The following SLC41A3 variants were observed in gnomAD, a reference collection of about 807,000 sequenced individuals.
SLC41A3 encodes the protein solute carrier family 41 member 3, also known as SLC41A1-like 2.
SLC41A3 carries 44 observed loss-of-function variants against 45.4 expected under a neutral mutation model. The observed-to-expected ratio is 0.97, with a 90% confidence interval of 0.76 to 1.25. The LOEUF (loss-of-function observed/expected upper bound fraction) is 1.25, where lower values mean the gene tolerates loss of function less well. Ranked by LOEUF, SLC41A3 falls within the 50% of genes most tolerant of loss-of-function variation. The pLI, the probability that SLC41A3 is intolerant of heterozygous loss-of-function variation, is 0.00. For missense variants in SLC41A3, 550 were observed against 600.6 expected, an observed-to-expected ratio of 0.92 and a Z score of 0.88; for synonymous variants, 256 against 252.4, an observed-to-expected ratio of 1.01 and a Z score of -0.13.
Position 126,026,586 on chromosome 3 carries a change from GC to G in SLC41A3, c.454-108del. ...AAGGGGCCGGGTGCCACATGCTACT[GC>G]CTCCTTTCCCTTACCCTAAAATCTC... is the stretch of plus-strand genomic sequence containing the variant. On this transcript the variant is annotated intron_variant, in intron 4 of 10. Transcript: ENST00000360370. This position sits in a 1 kb window ranked among gnomAD's most constrained non-coding sequence, Gnocchi z 4.2. The G allele has an allele frequency of 1.4e-6, 2 of 1,396,580 alleles. No individual in the cohort carries two copies. The allele number at this position is 1,396,580 out of a possible 1,614,324, so 86.5% of individuals were successfully genotyped here. A position where few individuals can be genotyped will look rare whatever the true frequency, so the allele number is the denominator to read the frequency against.
chr3:126,014,296 G>A (rs1004984377), intron 8 of SLC41A3, among the ~76,000 whole-genome samples: 3 of 152,084 alleles, frequency 2.0e-5, no homozygotes, highest in East Asian at 1.9e-4. Flanking sequence ...AAATTAATTG[G>A]TACTGTTTAC....
chr3:126,027,612 AT>A (rs772651612), intron 4 of SLC41A3, among the ~76,000 whole-genome samples: 9 of 152,204 alleles, frequency 5.9e-5, no homozygotes, highest in Non-Finnish European at 1.3e-4. Flanking sequence ...ATACCTGAAA[AT>A]GTGGAAGCGA....
At chr3:126,089,550 C>A (rs967339313) in intron 1 of SLC41A3, among the ~76,000 whole-genome samples, 2 of 152,148 alleles carry the variant, frequency 1.3e-5, no homozygotes, top group African/African-American at 4.8e-5. Flanking sequence ...CAAATGGGAA[C>A]TAGTAAGGTT....
chr3:126,074,283 A>G (rs775327414), intron 1 of SLC41A3, among the ~76,000 whole-genome samples: 3 of 151,848 alleles, frequency 2.0e-5, no homozygotes, highest in Non-Finnish European at 4.4e-5. Flanking sequence ...GAGGAATAGA[A>G]GGGAATGTTC....
At chr3:126,019,866 C>T (rs9855477) in intron 6 of SLC41A3, among the ~76,000 whole-genome samples, 50,905 of 151,426 alleles carry the variant, frequency 0.34, 9,438 homozygotes, top group African/African-American at 0.5. Flanking sequence ...GGGGTCTTGG[C>T]GGGAGTCCTG....
intron 10 of SLC41A3, among the ~76,000 whole-genome samples, chr3:126,007,725 G>A (rs1469128568): frequency 1.3e-5 from 2 of 152,186 alleles, no homozygotes; most frequent in Non-Finnish European, 2.9e-5. Flanking sequence ...AGCTGCTGCT[G>A]CTCAGGACAA....
intron 9 of SLC41A3, among the ~76,000 whole-genome samples, chr3:126,010,985 T>C (rs1336937218): frequency 6.6e-6 from 1 of 152,184 alleles, no homozygotes; most frequent in Non-Finnish European, 1.5e-5. Context: ...CAAAGTCTTG[T>C]CCATAATACC....
chr3:126,080,963 A>AG (rs59416023), intron 1 of SLC41A3, among the ~76,000 whole-genome samples: 1 of 151,994 alleles, frequency 6.6e-6, no homozygotes, highest in Admixed American at 6.5e-5. Flanking sequence ...AAAAAAAAAA[A>AG]CAAACTAAAA....
intron 6 of SLC41A3, among the ~76,000 whole-genome samples, chr3:126,021,078 TAG>T (rs1485158247): frequency 6.6e-6 from 1 of 152,112 alleles, no homozygotes; most frequent in Non-Finnish European, 1.5e-5. Flanking sequence ...GTATTTTTAG[TAG>T]AGACAGGATT....
rs547659607 is a variant in SLC41A3 at position 126,018,553 on chromosome 3, G to A, written c.746-1678C>T. ...TGCCCATACCCTCTAAATCACAGCT[G>A]TTTATTTGTCTGCTTCAGTTGCCAA... On this transcript the variant is annotated intron_variant, in intron 6 of 10. Transcript: ENST00000360370. 4.5e-4 allele frequency among the ~76,000 whole-genome samples: 69 copies of A among 152,292 alleles called. No homozygotes were observed. In the South Asian group the frequency reaches 0.011, roughly 25 times the overall value.
chr3:126,086,998 T>A (rs548279152), upstream of SLC41A3, among the ~76,000 whole-genome samples: 2 of 152,274 alleles, frequency 1.3e-5, no homozygotes, highest in African/African-American at 4.8e-5. Flanking sequence ...GTCTTTAAAA[T>A]CATTGGTAAA....
chr3:126,076,211 A>C (rs1375537023), intron 1 of SLC41A3, among the ~76,000 whole-genome samples: 1 of 152,248 alleles, frequency 6.6e-6, no homozygotes, highest in East Asian at 1.9e-4. Context: ...CACATGAAAC[A>C]ATGGTTTCAC....
At chr3:126,029,237 A>C (rs920030195) in intron 4 of SLC41A3, among the ~76,000 whole-genome samples, 3 of 152,210 alleles carry the variant, frequency 2.0e-5, no homozygotes, top group Non-Finnish European at 4.4e-5. Context: ...TATAATCCCC[A>C]ATGTTGGAGG....
chr3:126,095,534 C>T (rs1203706331), intron 1 of SLC41A3, among the ~76,000 whole-genome samples: 2 of 152,212 alleles, frequency 1.3e-5, no homozygotes, highest in Non-Finnish European at 2.9e-5. Context: ...ACTTATTGGG[C>T]ATATTTATCA....
chr3:126,082,427 C>T (rs72965920), intron 1 of SLC41A3, among the ~76,000 whole-genome samples: 15,687 of 152,258 alleles, frequency 0.1, 1,395 homozygotes, highest in African/African-American at 0.24. Flanking sequence ...AACTGCCCCA[C>T]CCCAAATGTC....
At chr3:126,078,132 C>T (rs1485867342) in intron 1 of SLC41A3, among the ~76,000 whole-genome samples, 1 of 152,176 alleles carries the variant, frequency 6.6e-6, no homozygotes, top group East Asian at 1.9e-4. Flanking sequence ...CAACTCTCCA[C>T]CCCACTCCCA....
chr3:126,041,693 A>G (rs1412688346), intron 3 of SLC41A3, among the ~76,000 whole-genome samples: 1 of 152,228 alleles, frequency 6.6e-6, no homozygotes, highest in Non-Finnish European at 1.5e-5. Flanking sequence ...ATCTAAAACA[A>G]TTACTAGAGG....
intron 3 of SLC41A3, among the ~76,000 whole-genome samples, chr3:126,044,871 G>A (rs1349651596): frequency 8.0e-6 from 1 of 124,270 alleles, no homozygotes; most frequent in Non-Finnish European, 1.6e-5. Flanking sequence ...ACTCCAGCCT[G>A]GGCGACAGAG....
At chr3:126,013,230 G>A (rs1432960719) in intron 8 of SLC41A3, among the ~76,000 whole-genome samples, 2 of 151,876 alleles carry the variant, frequency 1.3e-5, no homozygotes, top group South Asian at 2.1e-4. Flanking sequence ...TTCACTCAAG[G>A]TGGGAAGGAG....
Sources: allele counts gnomAD v4.1 joint callset (sites outside exome capture counted in the v4.1 genomes callset), GRCh38; gene constraint gnomAD v4.1.1; non-coding constraint Gnocchi (gnomAD v3.1); transcripts MANE v1.5; gene names NCBI Gene and HGNC (gene_info 2026-07-23, HGNC 2026-07-21).